The following ZNF385D variants were observed in gnomAD, a reference collection of about 807,000 sequenced individuals.
ZNF385D encodes zinc finger protein 659.
ZNF385D carries 15 observed loss-of-function variants against 35.8 expected under a neutral mutation model. That is an observed-to-expected ratio of 0.42 (90% CI 0.28 to 0.64). The LOEUF (loss-of-function observed/expected upper bound fraction) is 0.64, where lower values mean the gene tolerates loss of function less well. ZNF385D is among the 30% of genes least tolerant of loss of function. ZNF385D has a pLI of 0.23. For synonymous variants in ZNF385D, 212 were observed against 186.8 expected (o/e 1.13, Z -1.10); for missense variants, 474 against 494.6 (o/e 0.96, Z 0.39).
At chr3:21,941,197 C>T (rs1701498749) in intron 3 of ZNF385D, among the ~76,000 whole-genome samples, 1 of 152,044 alleles carries the variant, frequency 6.6e-6, no homozygotes, top group Non-Finnish European at 1.5e-5. Context: ...GGGTTCAAAG[C>T]TTTGATTTTT....
intron 3 of ZNF385D, among the ~76,000 whole-genome samples, chr3:21,760,458 T>C (rs1440686740): frequency 6.6e-6 from 1 of 152,210 alleles, no homozygotes; most frequent in Admixed American, 6.5e-5. Flanking sequence ...AAGATTCACC[T>C]TTGTGGTAGT....
intron 2 of ZNF385D, among the ~76,000 whole-genome samples, chr3:21,638,267 A>G (rs1221909035): frequency 6.6e-6 from 1 of 152,074 alleles, no homozygotes; most frequent in African/African-American, 2.4e-5. Context: ...GGGCCTTGAC[A>G]GCATTGTTCT....
intron 2 of ZNF385D, among the ~76,000 whole-genome samples, chr3:21,612,993 CTTT>C (rs11336822): frequency 1.5e-5 from 2 of 137,240 alleles, no homozygotes; most frequent in Non-Finnish European, 1.6e-5. Flanking sequence ...TTTCTTTTTT[CTTT>C]TTTTTTTTTT....
At chr3:22,209,373 AT>A (rs1208325255) in intron 2 of ZNF385D, among the ~76,000 whole-genome samples, 1 of 151,934 alleles carries the variant, frequency 6.6e-6, no homozygotes, top group Non-Finnish European at 1.5e-5. Flanking sequence ...ATAGGAGTTG[AT>A]TCAACTGTAG....
intron 3 of ZNF385D, among the ~76,000 whole-genome samples, chr3:21,904,468 C>A (rs1699574291): frequency 6.6e-6 from 1 of 152,062 alleles, no homozygotes; most frequent in Non-Finnish European, 1.5e-5. Flanking sequence ...AGGCTAATTT[C>A]CGAAATACGT....
intron 1 of ZNF385D, among the ~76,000 whole-genome samples, chr3:21,749,142 T>C (rs2069929551): frequency 6.6e-6 from 1 of 152,232 alleles, no homozygotes; most frequent in South Asian, 2.1e-4. Flanking sequence ...GAGTTTCATC[T>C]AAAGTAAGTA....
chr3:22,095,316 T>C (rs1308842506), intron 3 of ZNF385D, among the ~76,000 whole-genome samples: 4 of 152,034 alleles, frequency 2.6e-5, no homozygotes, highest in South Asian at 2.1e-4. Flanking sequence ...TCTATCTTTT[T>C]TAAATTCTGC....
chr3:21,900,748 G>C (rs1239015337), intron 3 of ZNF385D, among the ~76,000 whole-genome samples: 1 of 152,144 alleles, frequency 6.6e-6, no homozygotes, highest in Non-Finnish European at 1.5e-5. Flanking sequence ...CACGTTAAAA[G>C]AAAAATAATT....
intron 1 of ZNF385D, among the ~76,000 whole-genome samples, chr3:21,687,675 T>C (rs940713532): frequency 4.6e-5 from 7 of 152,160 alleles, no homozygotes; most frequent in East Asian, 1.9e-4. Flanking sequence ...ATGATATATA[T>C]AGTATCATAA....
intron 2 of ZNF385D, among the ~76,000 whole-genome samples, chr3:21,656,549 A>T (rs777004946): frequency 4.5e-4 from 69 of 152,044 alleles, no homozygotes; most frequent in Non-Finnish European, 7.4e-4. Context: ...TAATGATCTC[A>T]TCTGAACTAA....
intron 2 of ZNF385D, among the ~76,000 whole-genome samples, chr3:22,326,965 G>C (rs944289788): frequency 1.4e-4 from 22 of 152,276 alleles, no homozygotes; most frequent in African/African-American, 5.1e-4. Flanking sequence ...TGGAACATTT[G>C]CAAGTTCCAA....
intron 2 of ZNF385D, among the ~76,000 whole-genome samples, chr3:21,594,481 G>A (rs2064073088): frequency 6.6e-6 from 1 of 152,158 alleles, no homozygotes. Flanking sequence ...GGCCCAGGCT[G>A]TGGAGAATGG....
At chr3:21,699,098 T>A (rs1428114279) in intron 1 of ZNF385D, among the ~76,000 whole-genome samples, 12 of 152,136 alleles carry the variant, frequency 7.9e-5, no homozygotes, top group Non-Finnish European at 1.0e-4. Context: ...CAAATGTCCA[T>A]CAATGATAGA....
intron 3 of ZNF385D, among the ~76,000 whole-genome samples, chr3:21,554,983 C>G (rs2062683247): frequency 6.6e-6 from 1 of 152,168 alleles, no homozygotes; most frequent in Non-Finnish European, 1.5e-5. Context: ...ACATAAGGCT[C>G]TTTTGCTTTC....
chr3:21,677,236 C>T (rs2066757283), intron 1 of ZNF385D, among the ~76,000 whole-genome samples: 1 of 151,930 alleles, frequency 6.6e-6, no homozygotes, highest in Non-Finnish European at 1.5e-5. Context: ...TGGGAGGGTC[C>T]CTGGGCCCTG....
chr3:22,168,212 A>G (rs1706460120), intron 3 of ZNF385D, among the ~76,000 whole-genome samples: 1 of 152,248 alleles, frequency 6.6e-6, no homozygotes, highest in South Asian at 2.1e-4. Context: ...TCATGTCTCT[A>G]TATTTTCTAA....
intron 1 of ZNF385D, among the ~76,000 whole-genome samples, chr3:21,740,843 A>G (rs752409721): frequency 1.3e-5 from 2 of 152,184 alleles, no homozygotes; most frequent in African/African-American, 2.4e-5. Flanking sequence ...GCTGTCCTTC[A>G]TAATTAACTG....
intron 2 of ZNF385D, among the ~76,000 whole-genome samples, chr3:22,270,883 A>T (rs1701141332): frequency 6.6e-6 from 1 of 152,058 alleles, no homozygotes; most frequent in East Asian, 1.9e-4. Context: ...ATTCTGAAAT[A>T]AAAAACTAAT....
intron 2 of ZNF385D, among the ~76,000 whole-genome samples, chr3:22,336,933 A>AAAAAAT (rs1695195486): frequency 6.9e-6 from 1 of 144,770 alleles, no homozygotes; most frequent in Non-Finnish European, 1.5e-5. Flanking sequence ...AAAAAAAAAA[A>AAAAAAT]AAAACCCTTA....
Sources: allele counts gnomAD v4.1 joint callset (sites outside exome capture counted in the v4.1 genomes callset), GRCh38; gene constraint gnomAD v4.1.1; transcripts MANE v1.5; gene names NCBI Gene and HGNC (gene_info 2026-07-23, HGNC 2026-07-21).